MBNL1: variants seen among roughly 807,000 people sequenced by gnomAD.
The protein encoded by MBNL1 is muscleblind like splicing regulator 1.
Under a neutral mutation model 42.2 loss-of-function variants are expected in MBNL1, and 8 were observed. That is an observed-to-expected ratio of 0.19 (90% CI 0.11 to 0.34). The LOEUF is 0.34. Among genes scored for constraint, MBNL1 ranks in the 10% least tolerant of loss-of-function variants. The probability of loss-of-function intolerance (pLI) is 1.00; values close to 1 mark genes in which losing one functional copy is unlikely to be tolerated. For missense variants in MBNL1, 309 were observed against 495.3 expected, an observed-to-expected ratio of 0.62 and a Z score of 3.57; for synonymous variants, 169 against 173.9, an observed-to-expected ratio of 0.97 and a Z score of 0.22.
At chr3:152,410,855 TGAC>T (rs1168577201) in intron 2 of MBNL1, among the ~76,000 whole-genome samples, 7 of 152,278 alleles carry the variant, frequency 4.6e-5, no homozygotes, top group African/African-American at 1.7e-4. Context: ...ACATTATTGA[TGAC>T]TGATATGCAT....
intron 2 of MBNL1, among the ~76,000 whole-genome samples, chr3:152,259,907 A>C (rs549340804): frequency 6.6e-6 from 1 of 152,356 alleles, no homozygotes; most frequent in African/African-American, 2.4e-5. Flanking sequence ...TAGATTCACC[A>C]GATACACACT....
At chr3:152,346,047 T>A (rs796853978) in intron 2 of MBNL1, among the ~76,000 whole-genome samples, 2 of 152,234 alleles carry the variant, frequency 1.3e-5, no homozygotes, top group African/African-American at 4.8e-5. Context: ...CTGATGGGAA[T>A]TGACAGTCTT....
At chr3:152,427,456 G>A (rs943679379) in intron 3 of MBNL1, among the ~76,000 whole-genome samples, 3 of 152,002 alleles carry the variant, frequency 2.0e-5, no homozygotes, top group African/African-American at 4.8e-5. Flanking sequence ...TGGTGCAGTC[G>A]TAGCATACTG....
At chr3:152,354,497 T>C (rs1217577418) in intron 2 of MBNL1, among the ~76,000 whole-genome samples, 3 of 152,160 alleles carry the variant, frequency 2.0e-5, no homozygotes, top group Non-Finnish European at 4.4e-5. Flanking sequence ...ATCATACAGA[T>C]TAATGAAAGA....
At chr3:152,328,447 G>A (rs1474673064) in intron 2 of MBNL1, among the ~76,000 whole-genome samples, 1 of 152,062 alleles carries the variant, frequency 6.6e-6, no homozygotes, top group East Asian at 1.9e-4. Flanking sequence ...CTTCTGAGAT[G>A]TTTTCTCTAA....
chr3:152,396,895 C>A (rs2097975062), intron 2 of MBNL1, among the ~76,000 whole-genome samples: 1 of 152,106 alleles, frequency 6.6e-6, no homozygotes, highest in South Asian at 2.1e-4. Flanking sequence ...TTAACAATTT[C>A]TTTTCCATGG....
rs200584264 is a variant in MBNL1 at position 152,422,268 on chromosome 3, CAAAA to C, written c.345+7171_345+7174del. 5.8e-5 allele frequency among the ~76,000 whole-genome samples: 6 copies of C among 103,008 alleles called. No individual in the cohort carries two copies. In the East Asian group the frequency reaches 7.9e-4, roughly 14 times the overall value. The allele number at this position is 103,008 out of a possible 152,430, so 67.6% of individuals were successfully genotyped here. ...GAATATTTACCAAGCAAATGGAAAG[CAAAA>C]AAAAAAAAAAAAAGCAGGAGTTGCA... is the stretch of plus-strand genomic sequence containing the variant. On this transcript the variant is annotated intron_variant, in intron 3 of 9. Coordinates refer to ENST00000324210, the MANE Select transcript of MBNL1 (RefSeq NM_021038.5).
At chr3:152,270,579 T>C (rs528216106) in intron 1 of MBNL1, among the ~76,000 whole-genome samples, 1 of 152,342 alleles carries the variant, frequency 6.6e-6, no homozygotes, top group South Asian at 2.1e-4. Flanking sequence ...GTTCAACGAC[T>C]GTAAAATTTA....
At chr3:152,335,839 G>A (rs1053472164) in intron 2 of MBNL1, among the ~76,000 whole-genome samples, 3 of 152,104 alleles carry the variant, frequency 2.0e-5, no homozygotes, top group Admixed American at 6.6e-5. Flanking sequence ...AGCTATGTTT[G>A]GGAACTTACA....
At position 152,447,702 on chromosome 3, in the gene MBNL1, C is replaced by G; in HGVS notation, c.890C>G (p.Thr297Ser). The G allele has an allele frequency of 1.2e-6, 2 of 1,611,406 alleles. No individual in the cohort carries two copies. Among genetic ancestry groups the G allele is most frequent in the East Asian group, 2.2e-5 (1 of 44,788 alleles). ...KTNGATAVFN[T>S]GIFQYQQALA... ...AACGGTGCCACCGCAGTCTTTAACA[C>G]TGGTATTTTCCAATACCAACAGGCT... Residue 297 changes from threonine to serine, a missense_variant, in exon 6 of 10, where the codon ACT becomes AGT. Transcript: ENST00000324210.
intron 3 of MBNL1, among the ~76,000 whole-genome samples, chr3:152,420,017 C>G (rs910769883): frequency 1.3e-5 from 2 of 152,166 alleles, no homozygotes; most frequent in Non-Finnish European, 2.9e-5. Flanking sequence ...CAGAAACCAC[C>G]TCAGCACAGC....
chr3:152,389,907 G>A (rs970012641), intron 2 of MBNL1, among the ~76,000 whole-genome samples: 4 of 151,260 alleles, frequency 2.6e-5, no homozygotes, highest in Non-Finnish European at 5.9e-5. Context: ...ATGGAGTCTC[G>A]CTCTGTTGCC....
chr3:152,316,234 C>T (rs568668057), intron 2 of MBNL1, among the ~76,000 whole-genome samples: 2 of 152,272 alleles, frequency 1.3e-5, no homozygotes, highest in African/African-American at 4.8e-5. Context: ...TTAAAAAATG[C>T]ACGTTAAACC....
At chr3:152,344,891 C>A (rs1336244970) in intron 2 of MBNL1, among the ~76,000 whole-genome samples, 1 of 152,052 alleles carries the variant, frequency 6.6e-6, no homozygotes, top group Non-Finnish European at 1.5e-5. Flanking sequence ...GATGGAAAGG[C>A]ACACAAAGAC....
chr3:152,420,975 CAGGT>C (rs1214269475), intron 3 of MBNL1, among the ~76,000 whole-genome samples: 10 of 152,120 alleles, frequency 6.6e-5, no homozygotes, highest in African/African-American at 2.4e-4. Flanking sequence ...GAAGCATACA[CAGGT>C]ATCAGTAGCT....
At chr3:152,316,118 A>G (rs1023455155) in intron 2 of MBNL1, among the ~76,000 whole-genome samples, 1 of 152,218 alleles carries the variant, frequency 6.6e-6, no homozygotes, top group Non-Finnish European at 1.5e-5. Flanking sequence ...CCCTGTATTA[A>G]TACCTTTCAG....
intron 2 of MBNL1, among the ~76,000 whole-genome samples, chr3:152,353,762 C>G (rs1366268602): frequency 7.0e-6 from 1 of 143,212 alleles, no homozygotes. Context: ...ACCTCAAAAT[C>G]TGGCATGCAA....
At chr3:152,364,985 A>C (rs970788068) in intron 2 of MBNL1, among the ~76,000 whole-genome samples, 1 of 152,146 alleles carries the variant, frequency 6.6e-6, no homozygotes, top group South Asian at 2.1e-4. Context: ...TCTGTCTTCT[A>C]TCTCACCGAG....
chr3:152,429,709 T>C (rs764741266), intron 3 of MBNL1, among the ~76,000 whole-genome samples: 3 of 152,108 alleles, frequency 2.0e-5, no homozygotes, highest in Non-Finnish European at 4.4e-5. Flanking sequence ...ATCTTCAACA[T>C]GGCGCTCCTT....
Sources: allele counts gnomAD v4.1 joint callset (sites outside exome capture counted in the v4.1 genomes callset), GRCh38; gene constraint gnomAD v4.1.1; transcripts MANE v1.5; gene names NCBI Gene and HGNC (gene_info 2026-07-23, HGNC 2026-07-21).